The following KRTAP4-5 variants were observed in gnomAD, a reference collection of about 807,000 sequenced individuals.
The protein encoded by KRTAP4-5 is keratin-associated protein 4-5.
For synonymous variants in KRTAP4-5, 73 were observed against 83.6 expected (o/e 0.87, Z 0.69); for missense variants, 199 against 233.7 (o/e 0.85, Z 0.97).
At position 41,149,189 on chromosome 17, in the gene KRTAP4-5, C is replaced by T; in HGVS notation, c.*33G>A. On this transcript the variant is annotated 3_prime_UTR_variant, in exon 1 of 1. Transcript: ENST00000343246. ...GTGCATTTTAAATGACTAATGAAGA[C>T]ATTCATAGTATGACAAATATCACAA... is the stretch of plus-strand genomic sequence containing the variant. 1.3e-6 allele frequency: 2 copies of T among 1,549,790 alleles called. No individual in the cohort carries two copies. Among genetic ancestry groups the T allele is most frequent in the Middle Eastern group, 3.4e-4 (2 of 5,878 alleles).
At chr17:41,149,708 G>T in the KRTAP4-5 span, 1 of 1,613,976 alleles carries the variant, frequency 6.2e-7, no homozygotes, top group Non-Finnish European at 8.5e-7. Flanking sequence ...TGGGGCGGCA[G>T]CAGTTCTCCA....
Position 41,149,204 on chromosome 17 carries a change from A to C in KRTAP4-5, c.*18T>G, listed in dbSNP as rs751227729. On this transcript the variant is annotated 3_prime_UTR_variant, in exon 1 of 1. Coordinates refer to ENST00000343246, the MANE Select transcript of KRTAP4-5 (RefSeq NM_033188.4). ...CTAATGAAGACATTCATAGTATGAC[A>C]AATATCACAAGGAGACATTAGCAGC... 6.3e-7 allele frequency: 1 copy of C among 1,576,112 alleles called. No individual in the cohort carries two copies. The highest frequency in any genetic ancestry group is 1.8e-5 in the Admixed American group (1 of 54,100).
chr17:41,148,936 C>A lies in KRTAP4-5; in HGVS notation c.*286G>T. The A allele has an allele frequency of 1.7e-6, 1 of 578,386 alleles. No homozygotes were observed. Among genetic ancestry groups the A allele is most frequent in the East Asian group, 3.0e-5 (1 of 32,890 alleles). 35.8% of individuals were successfully genotyped at this position (578,386 alleles called of 1,614,324 possible). A position where few individuals can be genotyped will look rare whatever the true frequency, so the allele number is the denominator to read the frequency against. Reference sequence around the variant, plus strand: ...GAAGATTTCAATATTAGGGAAGTGGCTGTTTATTAATACATGAAAACAATA... The same window carrying A: ...GAAGATTTCAATATTAGGGAAGTGGATGTTTATTAATACATGAAAACAATA... On this transcript the variant is annotated 3_prime_UTR_variant, in exon 1 of 1. Coordinates refer to ENST00000343246, the MANE Select transcript of KRTAP4-5 (RefSeq NM_033188.4).
chr17:41,149,825 G>A lies in KRTAP4-5; in HGVS notation c.-58C>T. The stretch of plus-strand genomic sequence containing the variant: ...CTAGAAGAATGAGGTTCTCAAGTTT[G>A]GAAGTGTCCTTGGGCCACAGCCTCT... On this transcript the variant is annotated 5_prime_UTR_variant, in exon 1 of 1. Coordinates refer to ENST00000343246, the MANE Select transcript of KRTAP4-5 (RefSeq NM_033188.4). 2 of 1,547,162 alleles carry A rather than the reference G, an allele frequency of 1.3e-6. No homozygotes were observed. Among genetic ancestry groups the A allele is most frequent in the South Asian group, 1.3e-5 (1 of 79,376 alleles).
In KRTAP4-5 at chr17:41,149,658, C is replaced by T. The variant is rs185579444; in HGVS notation, c.110G>A (p.Arg37His). Residue 37 changes from arginine (R) to histidine (H), a missense_variant, in exon 1 of 1, where the codon CGC becomes CAC. Arg to His is a conservative substitution (Grantham distance 29). Coordinates refer to ENST00000343246, the MANE Select transcript of KRTAP4-5 (RefSeq NM_033188.4). Reference protein sequence around the residue: ...QTTCCRTTCCRPSCCKPQCCQ... With the variant: ...QTTCCRTTCCHPSCCKPQCCQ... ...GCACTGGGGCTTGCAGCAGCTGGGG[C>T]GGCAGCAGGTGGTCCTGCAGCAGGT... 6.0e-5 allele frequency: 96 copies of T among 1,613,270 alleles called. No individual in the cohort carries two copies. Among genetic ancestry groups the T allele is most frequent in the Non-Finnish European group, 7.1e-5 (84 of 1,179,718 alleles).
In KRTAP4-5 at chr17:41,149,476, G is replaced by A. The variant is rs754099026; in HGVS notation, c.292C>T (p.Pro98Ser). 2 of 1,520,934 alleles carry A rather than the reference G, an allele frequency of 1.3e-6. No homozygotes were observed. The highest frequency in any genetic ancestry group is 2.9e-5 in the African/African-American group (2 of 69,634). The allele number at this position is 1,520,934 out of a possible 1,614,324, so 94.2% of individuals were successfully genotyped here. A position where few individuals can be genotyped will look rare whatever the true frequency, so the allele number is the denominator to read the frequency against. ...CAGCAGCTGGACACACAGCAGCTGG[G>A]GCAGCAGCAGGTGGTCCTGCAGCAG... ...TTCCRTTCCC[P>S]SCCVSSCCRP... is the part of the protein sequence containing the mutation. The change falls in exon 1 of 1, where the codon CCC (proline) becomes TCC (serine). Residue 98 changes from proline (P) to serine (S), a missense_variant. By Grantham distance (74) the Pro-to-Ser change is moderately conservative (BLOSUM62 -1). Transcript: ENST00000343246.
chr17:41,148,983 A>G lies in KRTAP4-5; in HGVS notation c.*239T>C. ...AATATTATATGAGATCATCACAGTT[A>G]GTGTCCCCTTCGAATGAAGACACTG... On this transcript the variant is annotated 3_prime_UTR_variant, in exon 1 of 1. Coordinates refer to ENST00000343246, the MANE Select transcript of KRTAP4-5 (RefSeq NM_033188.4). 1.4e-6 allele frequency: 1 copy of G among 700,896 alleles called. No individual in the cohort carries two copies. Among genetic ancestry groups the G allele is most frequent in the East Asian group, 2.7e-5 (1 of 36,578 alleles). The allele number at this position is 700,896 out of a possible 1,614,324, so 43.4% of individuals were successfully genotyped here.
chr17:41,149,218 G>A lies in KRTAP4-5; in HGVS notation c.*4C>T, dbSNP rs369638731. The A allele has an allele frequency of 1.8e-5, 28 of 1,594,160 alleles. No homozygotes were observed. The highest frequency in any genetic ancestry group is 2.3e-5 in the Non-Finnish European group (27 of 1,169,824). ...CATAGTATGACAAATATCACAAGGAGACATTAGCAGCAAGAGGAGGCACAG... is the reference window on the plus strand; with the variant it reads ...CATAGTATGACAAATATCACAAGGAAACATTAGCAGCAAGAGGAGGCACAG... On this transcript the variant is annotated 3_prime_UTR_variant, in exon 1 of 1. Coordinates refer to ENST00000343246, the MANE Select transcript of KRTAP4-5 (RefSeq NM_033188.4).
rs545387260 is a variant in KRTAP4-5, at chr17:41,149,741, G to A, written c.27C>T (p.Val9=). The change falls in exon 1 of 1, where the codon GTC becomes GTT. Residue 9 remains valine, a synonymous_variant. Transcript: ENST00000343246. Reference sequence around the variant, plus strand: ...CCAGGCCACAGCTCTGCTCAGAGCTGACAGAGCCACAACAGGAGCTGACCA... The same window carrying A: ...CCAGGCCACAGCTCTGCTCAGAGCTAACAGAGCCACAACAGGAGCTGACCA... MVSSCCGS[V]SSEQSCGLEN... 5 of 1,612,196 alleles carry A rather than the reference G, an allele frequency of 3.1e-6. No individual in the cohort carries two copies. In the South Asian group the frequency reaches 4.4e-5, roughly 14 times the overall value.
chr17:41,149,111 A>G lies in KRTAP4-5; in HGVS notation c.*111T>C. The G allele has an allele frequency of 1.4e-6, 2 of 1,460,374 alleles. No individual in the cohort carries two copies. Among genetic ancestry groups the G allele is most frequent in the South Asian group, 1.4e-5 (1 of 70,016 alleles). 90.5% of individuals were successfully genotyped at this position (1,460,374 alleles called of 1,614,324 possible). On this transcript the variant is annotated 3_prime_UTR_variant, in exon 1 of 1. Coordinates refer to ENST00000343246, the MANE Select transcript of KRTAP4-5 (RefSeq NM_033188.4). ...GCTGAATGTCCACTCTGAATGCCAC[A>G]TGAGACAAACTGGCAGGGAAGTGTT...
In KRTAP4-5 at chr17:41,149,751, C is replaced by A. The variant is rs1207120929; in HGVS notation, c.17G>T (p.Cys6Phe). Residue 6 changes from cysteine (C) to phenylalanine (F), a missense_variant, in exon 1 of 1, where the codon TGT (cysteine) becomes TTT (phenylalanine). Coordinates refer to ENST00000343246, the MANE Select transcript of KRTAP4-5 (RefSeq NM_033188.4). MVSSC[C>F]GSVSSEQSCG... ...GCTCTGCTCAGAGCTGACAGAGCCA[C>A]AACAGGAGCTGACCATGGTGTCAGA... 6.2e-7 allele frequency: 1 copy of A among 1,610,126 alleles called. No individual in the cohort carries two copies. Among genetic ancestry groups the A allele is most frequent in the Non-Finnish European group, 8.5e-7 (1 of 1,177,390 alleles).
chr17:41,149,416 G>A lies in KRTAP4-5; in HGVS notation c.352C>T (p.Pro118Ser), dbSNP rs1266956625. The change falls in exon 1 of 1, where the codon CCC becomes TCC. Residue 118 changes from proline to serine, a missense_variant. Coordinates refer to ENST00000343246, the MANE Select transcript of KRTAP4-5 (RefSeq NM_033188.4). Reference sequence around the variant, plus strand: ...CAGCAGCTGGGACGGCAGCAAGTGGGCTGGCAGCACACAGACTGGCAGCAC... The same window carrying A: ...CAGCAGCTGGGACGGCAGCAAGTGGACTGGCAGCACACAGACTGGCAGCAC... The part of the protein sequence containing the change: ...PQCCQSVCCQ[P>S]TCCRPSCCIS... 1 of 1,612,992 alleles carries A rather than the reference G, an allele frequency of 6.2e-7. No homozygotes were observed. The highest frequency in any genetic ancestry group is 1.3e-5 in the African/African-American group (1 of 74,776).
In KRTAP4-5 at chr17:41,149,012, A is replaced by T; in HGVS notation, c.*210T>A. ...TCCCCTTCGAATGAAGACACTGCTC[A>T]TCTAAAAATAACTGCATTGGGGCCT... On this transcript the variant is annotated 3_prime_UTR_variant, in exon 1 of 1. Transcript: ENST00000343246. The T allele has an allele frequency of 2.3e-6, 2 of 882,600 alleles. No individual in the cohort carries two copies. Among genetic ancestry groups the T allele is most frequent in the Non-Finnish European group, 3.4e-6 (2 of 583,670 alleles). 54.7% of individuals were successfully genotyped at this position (882,600 alleles called of 1,614,324 possible).
rs1226670349 is a variant in KRTAP4-5 at position 41,148,988 on chromosome 17, C to A, written c.*234G>T. The A allele has an allele frequency of 5.5e-6, 4 of 722,622 alleles. No individual in the cohort carries two copies. Among genetic ancestry groups the A allele is most frequent in the Non-Finnish European group, 9.1e-6 (4 of 440,116 alleles). The allele number at this position is 722,622 out of a possible 1,614,324, so 44.8% of individuals were successfully genotyped here. ...TATATGAGATCATCACAGTTAGTGT[C>A]CCCTTCGAATGAAGACACTGCTCAT... On this transcript the variant is annotated 3_prime_UTR_variant, in exon 1 of 1. Transcript: ENST00000343246.
rs2014806773 is a variant in KRTAP4-5, at chr17:41,149,481, C to G, written c.287G>C (p.Cys96Ser). 1 of 1,519,220 alleles carries G rather than the reference C, an allele frequency of 6.6e-7. No individual in the cohort carries two copies. The allele number at this position is 1,519,220 out of a possible 1,614,324, so 94.1% of individuals were successfully genotyped here. A position where few individuals can be genotyped will look rare whatever the true frequency, so the allele number is the denominator to read the frequency against. The change falls in exon 1 of 1, where the codon TGC (cysteine) becomes TCC (serine). Residue 96 changes from cysteine (C) to serine (S), a missense_variant. Physicochemically the swap from Cys to Ser is moderately radical, Grantham distance 112. Transcript: ENST00000343246. ...GCTGGACACACAGCAGCTGGGGCAG[C>G]AGCAGGTGGTCCTGCAGCAGGTGGT... is the stretch of plus-strand genomic sequence containing the variant. ...CRTTCCRTTC[C>S]CPSCCVSSCC...
At position 41,149,037 on chromosome 17, in the gene KRTAP4-5, T is replaced by C. The variant is rs758503356; in HGVS notation, c.*185A>G. The C allele has an allele frequency of 2.0e-5, 22 of 1,104,778 alleles. No homozygotes were observed. The highest frequency in any genetic ancestry group is 2.5e-5 in the Non-Finnish European group (20 of 785,424). The allele number at this position is 1,104,778 out of a possible 1,614,324, so 68.4% of individuals were successfully genotyped here. The stretch of plus-strand genomic sequence containing the variant: ...ATCTAAAAATAACTGCATTGGGGCC[T>C]GGCATAACATATTTTAATGAATGTG... On this transcript the variant is annotated 3_prime_UTR_variant, in exon 1 of 1. Transcript: ENST00000343246.
At position 41,149,630 on chromosome 17, in the gene KRTAP4-5, G is replaced by A. The variant is rs2014812852; in HGVS notation, c.138C>T (p.Cys46=). Residue 46 remains cysteine, a synonymous_variant, in exon 1 of 1, where the codon TGC becomes TGT. Coordinates refer to ENST00000343246, the MANE Select transcript of KRTAP4-5 (RefSeq NM_033188.4). ...AGGTGGGCTGGTAGCACACAGACTG[G>A]CAGCACTGGGGCTTGCAGCAGCTGG... is the stretch of plus-strand genomic sequence containing the variant. ...CRPSCCKPQC[C]QSVCYQPTCC... 1.9e-6 allele frequency: 3 copies of A among 1,613,098 alleles called. No homozygotes were observed. Among genetic ancestry groups the A allele is most frequent in the Admixed American group, 1.7e-5 (1 of 59,744 alleles).
rs756769286 is a variant in KRTAP4-5 at position 41,149,546 on chromosome 17, G to A, written c.222C>T (p.Ser74=). 2 of 1,517,454 alleles carry A rather than the reference G, an allele frequency of 1.3e-6. No homozygotes were observed. Among genetic ancestry groups the A allele is most frequent in the Admixed American group, 3.7e-5 (2 of 53,364 alleles). 94.0% of individuals were successfully genotyped at this position (1,517,454 alleles called of 1,614,324 possible). The part of the protein sequence containing the change: ...SCCRPYCCES[S]CCRPCCCQTT... ...TCTGGCAGCAGCAGGGGCGGCAGCAGCTGGATTCACAGCAATAGGGGCGGC... is the reference window on the plus strand; with the variant it reads ...TCTGGCAGCAGCAGGGGCGGCAGCAACTGGATTCACAGCAATAGGGGCGGC... Residue 74 remains serine, a synonymous_variant, in exon 1 of 1, where the codon AGC becomes AGT. Coordinates refer to ENST00000343246, the MANE Select transcript of KRTAP4-5 (RefSeq NM_033188.4).
Position 41,149,216 on chromosome 17 carries a change from G to A in KRTAP4-5, c.*6C>T, listed in dbSNP as rs757187937. 3 of 1,592,746 alleles carry A rather than the reference G, an allele frequency of 1.9e-6. No homozygotes were observed. Among genetic ancestry groups the A allele is most frequent in the East Asian group, 2.3e-5 (1 of 44,226 alleles). ...TTCATAGTATGACAAATATCACAAG[G>A]AGACATTAGCAGCAAGAGGAGGCAC... On this transcript the variant is annotated 3_prime_UTR_variant, in exon 1 of 1. Coordinates refer to ENST00000343246, the MANE Select transcript of KRTAP4-5 (RefSeq NM_033188.4).
Sources: gnomAD v4.1 joint callset for allele counts on GRCh38, gnomAD v4.1.1 for gene constraint, MANE v1.5 for transcripts, NCBI Gene and HGNC (gene_info 2026-07-23, HGNC 2026-07-21) for gene names.